Variants in ZBTB2 observed in about 807,000 individuals in gnomAD.
ZBTB2 encodes zinc finger and BTB domain-containing protein 2.
In ZBTB2, 2 loss-of-function variants were observed where a neutral mutation model predicts 39.5. The ratio of observed to expected loss-of-function variants is 0.05; its 90% CI spans 0.02 to 0.16. The LOEUF is 0.16. Among genes scored for constraint, ZBTB2 ranks in the 10% least tolerant of loss-of-function variants. The pLI is 1.00. For synonymous variants in ZBTB2, 251 were observed against 256.6 expected (o/e 0.98, Z 0.21); for missense variants, 391 against 653.0 (o/e 0.60, Z 4.37).
intron 1 of ZBTB2, among the ~76,000 whole-genome samples, chr6:151,373,870 A>AAAAAAAAAAAAAACAAAAC (rs1778843577): frequency 3.2e-5 from 4 of 123,600 alleles, no homozygotes; most frequent in African/African-American, 1.4e-4. Flanking sequence ...AAAAAAAAAA[A>AAAAAAAAAAAAAACAAAAC]AAAAAAACCA....
At chr6:151,390,620 G>A (rs1779271826) in intron 1 of ZBTB2, among the ~76,000 whole-genome samples, 1 of 150,646 alleles carries the variant, frequency 6.6e-6, no homozygotes, top group Non-Finnish European at 1.5e-5. Flanking sequence ...ACCCGAGGAG[G>A]CCGGAAGCGC....
At chr6:151,372,295 T>A (rs560902802) in intron 2 of ZBTB2, among the ~76,000 whole-genome samples, 17 of 152,190 alleles carry the variant, frequency 1.1e-4, no homozygotes, top group Admixed American at 2.0e-4. Context: ...GGGTGACCTT[T>A]GAGAAAAGAC....
At chr6:151,389,841 GCTT>G (rs1019560425) in intron 1 of ZBTB2, among the ~76,000 whole-genome samples, 3 of 152,124 alleles carry the variant, frequency 2.0e-5, no homozygotes, top group African/African-American at 7.2e-5. Flanking sequence ...TGCTACCCTC[GCTT>G]CTTTATTGCC....
chr6:151,374,433 A>G (rs1485038132), intron 1 of ZBTB2, among the ~76,000 whole-genome samples: 16 of 152,222 alleles, frequency 1.1e-4, no homozygotes, highest in Admixed American at 1.0e-3. Flanking sequence ...CATTATTCAC[A>G]CTTGACCCTG....
chr6:151,381,529 A>G (rs149503919), intron 1 of ZBTB2, among the ~76,000 whole-genome samples: 2,428 of 151,984 alleles, frequency 0.016, 59 homozygotes, highest in African/African-American at 0.056. Context: ...TAAAAAAAAT[A>G]AAAAATAAAA....
At position 151,383,783 on chromosome 6, in the gene ZBTB2, A is replaced by ACCCCTGCCCCTG. The variant is rs1295268494; in HGVS notation, c.-13+7625_-13+7636dup. Reference sequence around the variant, plus strand: ...GACAGGCAGACACACACACACACATACCCCTGCCCCTGCCCCTGCCCCTCA... The same window carrying ACCCCTGCCCCTG: ...GACAGGCAGACACACACACACACATACCCCTGCCCCTGCCCCTGCCCCTGCCCCTGCCCCTCA... On this transcript the variant is annotated intron_variant, in intron 1 of 2. Transcript: ENST00000325144. Among the ~76,000 whole-genome samples the ACCCCTGCCCCTG allele has an allele frequency of 1.5e-4, 23 of 151,418 alleles. No individual in the cohort carries two copies. The East Asian group carries it at 3.7e-3, about 24-fold the overall frequency.
intron 1 of ZBTB2, among the ~76,000 whole-genome samples, chr6:151,375,060 C>T (rs1329653070): frequency 6.6e-6 from 1 of 151,824 alleles, no homozygotes; most frequent in African/African-American, 2.4e-5. Flanking sequence ...GCGGAGCTTG[C>T]GGTGAGCCGA....
At chr6:151,374,104 CAG>C (rs200561367) in intron 1 of ZBTB2, among the ~76,000 whole-genome samples, 1,919 of 152,154 alleles carry the variant, frequency 0.013, 38 homozygotes, top group African/African-American at 0.044. Flanking sequence ...AATGATGCAT[CAG>C]AGTTTGTCAA....
At chr6:151,382,804 C>T (rs2114875775) in intron 1 of ZBTB2, among the ~76,000 whole-genome samples, 1 of 150,894 alleles carries the variant, frequency 6.6e-6, no homozygotes, top group South Asian at 2.1e-4. Flanking sequence ...GATCCACCCG[C>T]TCGGCCTCCC....
At chr6:151,384,053 T>G (rs1257684434) in intron 1 of ZBTB2, among the ~76,000 whole-genome samples, 1 of 152,214 alleles carries the variant, frequency 6.6e-6, no homozygotes, top group Non-Finnish European at 1.5e-5. Flanking sequence ...AAGTTGAGTT[T>G]CTAGTTATCC....
intron 1 of ZBTB2, among the ~76,000 whole-genome samples, chr6:151,383,301 C>T (rs903360119): frequency 7.9e-5 from 12 of 152,174 alleles, no homozygotes; most frequent in Admixed American, 6.5e-5. Flanking sequence ...CCTCCTGCCT[C>T]AGCCTCCTGA....
In ZBTB2 at chr6:151,365,407, A is replaced by C; in HGVS notation, c.*114T>G. On this transcript the variant is annotated 3_prime_UTR_variant, in exon 3 of 3. Transcript: ENST00000325144. The surrounding 1 kb of genome is among the most constrained non-coding windows in gnomAD (Gnocchi z 5.6). ...GGATGTGGAAAAGGGGAAGAGGAGA[A>C]GAGAACAAGGACCTGTTTGTATCAT... 1.6e-6 allele frequency: 2 copies of C among 1,242,674 alleles called. No individual in the cohort carries two copies. The allele number at this position is 1,242,674 out of a possible 1,614,324, so 77.0% of individuals were successfully genotyped here.
At chr6:151,371,118 C>T (rs2114857246) in intron 2 of ZBTB2, among the ~76,000 whole-genome samples, 1 of 152,344 alleles carries the variant, frequency 6.6e-6, no homozygotes, top group South Asian at 2.1e-4. Context: ...CTCTGACACA[C>T]TGGAGTTAAA....
chr6:151,372,232 T>C (rs1028869526), intron 2 of ZBTB2, among the ~76,000 whole-genome samples: 2 of 152,144 alleles, frequency 1.3e-5, no homozygotes, highest in Non-Finnish European at 2.9e-5. Flanking sequence ...CAACAGCAGA[T>C]GCTGGAGGAC....
At position 151,366,351 on chromosome 6, in the gene ZBTB2, C is replaced by T. The variant is rs775998685; in HGVS notation, c.715G>A (p.Val239Ile). The change falls in exon 3 of 3, where the codon GTC (valine) becomes ATC (isoleucine). Residue 239 changes from valine to isoleucine, a missense_variant. Physicochemically the swap from Val to Ile is conservative, Grantham distance 29. Coordinates refer to ENST00000325144, the MANE Select transcript of ZBTB2 (RefSeq NM_020861.3). The surrounding 1 kb of genome is among the most constrained non-coding windows in gnomAD (Gnocchi z 7.1). ...EQPASLTIAH[V>I]KPSIMKRNGS... ...TTCCTCTTCATGATGCTTGGCTTGA[C>T]GTGGGCTATTGTGAGGGACGCAGGC... The T allele has an allele frequency of 1.5e-5, 25 of 1,613,930 alleles. No individual in the cohort carries two copies. Among genetic ancestry groups the T allele is most frequent in the East Asian group, 8.9e-5 (4 of 44,870 alleles).
At chr6:151,385,583 TAA>T (rs1218737586) in intron 1 of ZBTB2, among the ~76,000 whole-genome samples, 1 of 152,224 alleles carries the variant, frequency 6.6e-6, no homozygotes, top group Non-Finnish European at 1.5e-5. Context: ...TCTAAGACAC[TAA>T]ACACCACTTA....
chr6:151,365,626 T>G lies in ZBTB2; in HGVS notation c.1440A>C (p.Glu480Asp). 1 of 1,614,196 alleles carries G rather than the reference T, an allele frequency of 6.2e-7. No individual in the cohort carries two copies. Among genetic ancestry groups the G allele is most frequent in the Non-Finnish European group, 8.5e-7 (1 of 1,180,032 alleles). Reference protein sequence around the residue: ...NQNSDVFALDEGRSILLGSGD... With the variant: ...NQNSDVFALDDGRSILLGSGD... Reference sequence around the variant, plus strand: ...CACTGCCCAGGAGAATGGATCGCCCTTCGTCTAGGGCAAAAACATCCGAGT... The same window carrying G: ...CACTGCCCAGGAGAATGGATCGCCCGTCGTCTAGGGCAAAAACATCCGAGT... The change falls in exon 3 of 3, where the codon GAA becomes GAC. Residue 480 changes from glutamate to aspartate, a missense_variant. Physicochemically the swap from Glu to Asp is conservative, Grantham distance 45 (BLOSUM62 2). Around this residue, in one of 7 missense-constraint regions of ZBTB2, gnomAD observed 49 missense variants for 55.6 expected, o/e 0.88. Transcript: ENST00000325144. This position sits in a 1 kb window ranked among gnomAD's most constrained non-coding sequence, Gnocchi z 5.6.
intron 1 of ZBTB2, among the ~76,000 whole-genome samples, chr6:151,381,671 T>C (rs544983052): frequency 6.6e-6 from 1 of 152,370 alleles, no homozygotes; most frequent in East Asian, 1.9e-4. Context: ...CTGCATCCCA[T>C]ACTCTGGTGC....
At chr6:151,377,726 T>C (rs570682594) in intron 1 of ZBTB2, among the ~76,000 whole-genome samples, 2 of 151,796 alleles carry the variant, frequency 1.3e-5, no homozygotes, top group South Asian at 2.1e-4. Flanking sequence ...AGAGATGGGG[T>C]TTCACCATGT....
Sources: gnomAD v4.1 joint callset for allele counts (sites outside exome capture counted in the v4.1 genomes callset) on GRCh38, gnomAD v4.1.1 for gene constraint, gnomAD v4.1.1 regional missense constraint, Gnocchi (gnomAD v3.1) non-coding constraint, MANE v1.5 for transcripts, NCBI Gene and HGNC (gene_info 2026-07-23, HGNC 2026-07-21) for gene names.